Variants in CERCAM observed in about 807,000 individuals in gnomAD.
CERCAM encodes the protein inactive glycosyltransferase 25 family member 3.
Under a neutral mutation model 66.0 loss-of-function variants are expected in CERCAM, and 59 were observed. The observed-to-expected ratio is 0.89, with a 90% CI of 0.73 to 1.11. The LOEUF is 1.11. Ranked by LOEUF, CERCAM falls within the 50% of genes most tolerant of loss-of-function variation. The probability of loss-of-function intolerance (pLI) is 0.00; values close to 1 mark genes in which losing one functional copy is unlikely to be tolerated. For synonymous variants in CERCAM, 318 were observed against 343.6 expected, an observed-to-expected ratio of 0.93 and a Z score of 0.83; for missense variants, 840 against 828.3, an observed-to-expected ratio of 1.01 and a Z score of -0.17.
intron 6 of CERCAM, 88 bp from the exon 7 acceptor site, chr9:128,428,669 C>A: frequency 7.0e-7 from 1 of 1,430,228 alleles, no homozygotes; most frequent in Non-Finnish European, 9.8e-7. Context: ...CCAAAGGGGG[C>A]AGGAATGAGG....
intron 1 of CERCAM, chr9:128,421,485 G>C (rs762565938): frequency 2.0e-5 from 20 of 993,982 alleles, no homozygotes; most frequent in Admixed American, 6.1e-5. Flanking sequence ...GGCAGGGATC[G>C]ACCACGCTGG....
chr9:128,436,872 G>A lies in CERCAM; in HGVS notation c.*24G>A, dbSNP rs1834125562. On this transcript the variant is annotated 3_prime_UTR_variant, in exon 13 of 13. Transcript: ENST00000372838. ...AGGTCCAGGTGATGACTGCAAAGCA[G>A]TGTCCAGGAGCAGGCCACTACTGCC... The A allele has an allele frequency of 6.6e-6, 1 of 152,300 alleles. No homozygotes were observed. The highest frequency in any genetic ancestry group is 1.5e-5 in the Non-Finnish European group (1 of 68,124). 9.4% of individuals were successfully genotyped at this position (152,300 alleles called of 1,614,324 possible). A position where few individuals can be genotyped will look rare whatever the true frequency, so the allele number is the denominator to read the frequency against.
intron 8 of CERCAM, among the ~76,000 whole-genome samples, chr9:128,429,689 C>T (rs541323398): frequency 6.6e-6 from 1 of 152,232 alleles, no homozygotes; most frequent in Admixed American, 6.5e-5. Flanking sequence ...ACATGGCTCA[C>T]TGCTGCCTTA....
At chr9:128,426,876 A>G (rs537549182) in intron 5 of CERCAM, among the ~76,000 whole-genome samples, 1 of 152,338 alleles carries the variant, frequency 6.6e-6, no homozygotes, top group East Asian at 1.9e-4. Flanking sequence ...CAGACATGCA[A>G]GAAGAAATCT....
chr9:128,431,277 C>T lies in CERCAM; in HGVS notation c.1177C>T (p.Leu393Phe). 6.2e-7 allele frequency: 1 copy of T among 1,614,114 alleles called. No individual in the cohort carries two copies. The highest frequency in any genetic ancestry group is 8.5e-7 in the Non-Finnish European group (1 of 1,180,016). Residue 393 changes from leucine to phenylalanine, a missense_variant, in exon 9 of 13, where the codon CTC (leucine) becomes TTC (phenylalanine). Physicochemically the swap from Leu to Phe is conservative, Grantham distance 22. Transcript: ENST00000372838. ...TLTKGEVGCF[L>F]SHYSIWEEVV... ...GACCAAGGGCGAGGTGGGCTGCTTC[C>T]TCAGCCATTACTCCATCTGGGAAGA... is the stretch of plus-strand genomic sequence containing the variant.
intron 8 of CERCAM, among the ~76,000 whole-genome samples, 168 bp downstream of exon 8, chr9:128,429,204 C>T (rs1833920034): frequency 6.6e-6 from 1 of 152,158 alleles, no homozygotes; most frequent in African/African-American, 2.4e-5. Context: ...GGAGCAGACA[C>T]ACGTGGGAGA....
chr9:128,426,102 C>T (rs1025013983), intron 5 of CERCAM, among the ~76,000 whole-genome samples: 1 of 152,080 alleles, frequency 6.6e-6, no homozygotes, highest in Non-Finnish European at 1.5e-5. Flanking sequence ...CCGCCCCCGG[C>T]TGCGAGATCC....
chr9:128,432,463 C>T (rs1049156451), intron 9 of CERCAM, among the ~76,000 whole-genome samples: 1 of 150,060 alleles, frequency 6.7e-6, no homozygotes, highest in Non-Finnish European at 1.5e-5. Flanking sequence ...TGGCTCACTG[C>T]AGCCTGGACC....
At position 128,424,620 on chromosome 9, in the gene CERCAM, G is replaced by C. The variant is rs1269768846; in HGVS notation, c.766+6G>C. The C allele has an allele frequency of 2.5e-6, 4 of 1,613,152 alleles. No individual in the cohort carries two copies. Among genetic ancestry groups the C allele is most frequent in the Non-Finnish European group, 3.4e-6 (4 of 1,179,412 alleles). On this transcript the variant is annotated splice_donor_region_variant and intron_variant, in intron 5 of 12. Coordinates refer to ENST00000372838, the MANE Select transcript of CERCAM (RefSeq NM_016174.5). Reference sequence around the variant, plus strand: ...CTATGCCTGCCAGGCTGCTGGTGAGGACCAGCCCTCCTTTAGCATTCCTTG... The same window carrying C: ...CTATGCCTGCCAGGCTGCTGGTGAGCACCAGCCCTCCTTTAGCATTCCTTG...
intron 2 of CERCAM, 52 bp downstream of exon 2, chr9:128,423,030 C>G: frequency 6.2e-7 from 1 of 1,612,278 alleles, no homozygotes; most frequent in Non-Finnish European, 8.5e-7. Flanking sequence ...AGCTGCAGCC[C>G]AGAGAGGAAA....
At chr9:128,430,084 G>C (rs554933155) in intron 8 of CERCAM, among the ~76,000 whole-genome samples, 1 of 152,116 alleles carries the variant, frequency 6.6e-6, no homozygotes, top group South Asian at 2.1e-4. Flanking sequence ...CTACAGGCAT[G>C]CACCACCATG....
At chr9:128,436,098 C>G (rs1834108222) in intron 12 of CERCAM, among the ~76,000 whole-genome samples, 193 bp downstream of exon 12, 1 of 152,336 alleles carries the variant, frequency 6.6e-6, no homozygotes, top group African/African-American at 2.4e-5. Flanking sequence ...CTCTGTCGCC[C>G]AGGCTGGAGT....
rs916221731 is a variant in CERCAM, at chr9:128,421,572, A to C, written c.197+498A>C. 13 of 961,622 alleles carry C rather than the reference A, an allele frequency of 1.4e-5. No individual in the cohort carries two copies. In the African/African-American group the frequency reaches 2.3e-4, roughly 17 times the overall value. 59.6% of individuals were successfully genotyped at this position (961,622 alleles called of 1,614,324 possible). A position where few individuals can be genotyped will look rare whatever the true frequency, so the allele number is the denominator to read the frequency against. ...GCAGGGGAGTCAGACCGGCCCCCCC[A>C]CCGCCCCCGTGCTGGGGCCAGCTCT... On this transcript the variant is annotated intron_variant, in intron 1 of 12. Coordinates refer to ENST00000372838, the MANE Select transcript of CERCAM (RefSeq NM_016174.5).
chr9:128,422,786 T>G, intron 1 of CERCAM, 82 bp from the exon 2 acceptor site: 3 of 1,468,670 alleles, frequency 2.0e-6, no homozygotes, highest in Non-Finnish European at 1.9e-6. Flanking sequence ...ACCTCAAAGG[T>G]GTTAGTGCTT....
At chr9:128,430,770 C>A (rs915944998) in intron 8 of CERCAM, 1 of 164,316 alleles carries the variant, frequency 6.1e-6, no homozygotes, top group African/African-American at 2.4e-5. Flanking sequence ...AATCCCAGCA[C>A]TTTGGGAGGC....
intron 5 of CERCAM, among the ~76,000 whole-genome samples, chr9:128,426,058 C>G (rs1047934784): frequency 5.3e-5 from 8 of 152,022 alleles, no homozygotes; most frequent in Admixed American, 3.9e-4. Context: ...GCCCCCGCAG[C>G]CTCCCAAAGT....
intron 5 of CERCAM, among the ~76,000 whole-genome samples, chr9:128,425,612 A>G (rs1161168633): frequency 6.6e-6 from 1 of 151,460 alleles, no homozygotes; most frequent in Non-Finnish European, 1.5e-5. Context: ...TCCGGGTTCA[A>G]GCAGTTCTCC....
intron 3 of CERCAM, 51 bp from the exon 4 acceptor site, chr9:128,424,087 G>T (rs1017297691): frequency 3.8e-6 from 6 of 1,592,162 alleles, no homozygotes; most frequent in Non-Finnish European, 5.1e-6. Flanking sequence ...GAACTCCTTG[G>T]GGGGCTGCAG....
chr9:128,434,168 A>G lies in CERCAM; in HGVS notation c.1270A>G (p.Arg424Gly), dbSNP rs553943859. The G allele has an allele frequency of 1.2e-6, 2 of 1,614,094 alleles. No homozygotes were observed. The highest frequency in any genetic ancestry group is 2.2e-5 in the South Asian group (2 of 91,080). Residue 424 changes from arginine (R) to glycine (G), a missense_variant, in exon 10 of 13, where the codon AGG becomes GGG. Transcript: ENST00000372838. The surrounding 1 kb of genome is among the most constrained non-coding windows in gnomAD (Gnocchi z 4.5). ...EDDVRFESNFRGRLERLMEDV... is the reference protein window; with the variant it reads ...EDDVRFESNFGGRLERLMEDV... ...TGACGTGCGCTTTGAGAGCAACTTC[A>G]GGGGGCGGCTGGAGCGGCTGATGGA...
Sources: allele counts gnomAD v4.1 joint callset (sites outside exome capture counted in the v4.1 genomes callset), GRCh38; gene constraint gnomAD v4.1.1; non-coding constraint Gnocchi (gnomAD v3.1); transcripts MANE v1.5; gene names NCBI Gene and HGNC (gene_info 2026-07-23, HGNC 2026-07-21).